INPP4B: variants seen among roughly 807,000 people sequenced by gnomAD.
The protein encoded by INPP4B is inositol polyphosphate-4-phosphatase type II B, also known as inositol polyphosphate 4-phosphatase type II.
In INPP4B, 55 loss-of-function variants were observed where a neutral mutation model predicts 122.5. The observed-to-expected ratio is 0.45, with a 90% CI of 0.36 to 0.56. INPP4B has a LOEUF of 0.56. Among genes scored for constraint, INPP4B ranks in the 20% least tolerant of loss-of-function variants. The pLI is 0.00. For missense variants in INPP4B, 1,000 were observed against 1,097.7 expected, an observed-to-expected ratio of 0.91 and a Z score of 1.26; for synonymous variants, 403 against 388.7, an observed-to-expected ratio of 1.04 and a Z score of -0.43.
At chr4:142,344,565 G>C (rs920814599) in intron 7 of INPP4B, among the ~76,000 whole-genome samples, 1 of 152,018 alleles carries the variant, frequency 6.6e-6, no homozygotes, top group African/African-American at 2.4e-5. Flanking sequence ...CCTTTTTCCA[G>C]CTGTACACTT....
intron 1 of INPP4B, chr4:142,795,277 G>A (rs1450722653): frequency 1.3e-5 from 2 of 151,890 alleles, no homozygotes; most frequent in African/African-American, 2.4e-5. Context: ...GAAAAAGCAA[G>A]GAAACTGTAG....
At chr4:142,685,230 C>T (rs981759140) in intron 2 of INPP4B, among the ~76,000 whole-genome samples, 1 of 151,938 alleles carries the variant, frequency 6.6e-6, no homozygotes, top group African/African-American at 2.4e-5. Context: ...CTATACTTGC[C>T]TGAGACAGGC....
At chr4:142,435,978 T>C (rs1211449662) in intron 3 of INPP4B, among the ~76,000 whole-genome samples, 9 of 152,132 alleles carry the variant, frequency 5.9e-5, no homozygotes, top group African/African-American at 9.7e-5. Flanking sequence ...GGAGCCAACA[T>C]TGCAGCTGCT....
intron 2 of INPP4B, among the ~76,000 whole-genome samples, chr4:142,550,358 G>A (rs1470843758): frequency 1.3e-5 from 2 of 151,932 alleles, no homozygotes; most frequent in Non-Finnish European, 2.9e-5. Context: ...CATGCTGTGT[G>A]GTACATAATT....
At chr4:142,163,324 G>A (rs781160026) in intron 16 of INPP4B, among the ~76,000 whole-genome samples, 2 of 151,834 alleles carry the variant, frequency 1.3e-5, no homozygotes, top group Admixed American at 6.6e-5. Context: ...GATATAAATC[G>A]CCCAGTGTAT....
At chr4:142,100,197 C>T (rs1051907446) in intron 23 of INPP4B, among the ~76,000 whole-genome samples, 1 of 152,120 alleles carries the variant, frequency 6.6e-6, no homozygotes, top group African/African-American at 2.4e-5. Flanking sequence ...CTAACTTACA[C>T]TTAACTCTGG....
In INPP4B at chr4:142,543,130, G is replaced by T. The variant is rs558919784; in HGVS notation, c.-190-80404C>A. ...ATGTGCACAATTTAGAATGCACCTT[G>T]TTTACACATACAAATTAAAGCACAA... On this transcript the variant is annotated intron_variant, in intron 2 of 25. Coordinates refer to ENST00000262992, the MANE Select transcript of INPP4B (RefSeq NM_001101669.3). 2.5e-3 allele frequency among the ~76,000 whole-genome samples: 376 copies of T among 152,218 alleles called. 1 individual carries two copies. Among genetic ancestry groups the T allele is most frequent in the African/African-American group, 8.5e-3 (353 of 41,568 alleles).
At chr4:142,045,292 C>CA (rs1324118539) in intron 25 of INPP4B, among the ~76,000 whole-genome samples, 2 of 152,114 alleles carry the variant, frequency 1.3e-5, no homozygotes, top group Non-Finnish European at 1.5e-5. Flanking sequence ...TAATTAGGAA[C>CA]ATTTTATTAA....
At chr4:142,194,927 C>T (rs1439933979) in intron 14 of INPP4B, among the ~76,000 whole-genome samples, 1 of 152,138 alleles carries the variant, frequency 6.6e-6, no homozygotes, top group African/African-American at 2.4e-5. Flanking sequence ...TAAAAATAAA[C>T]TTTTGAGTCT....
At chr4:142,707,912 T>C (rs548585179) in intron 2 of INPP4B, among the ~76,000 whole-genome samples, 4 of 152,322 alleles carry the variant, frequency 2.6e-5, no homozygotes, top group East Asian at 1.9e-4. Context: ...TGGAACTCCC[T>C]AGAGACTTGT....
intron 2 of INPP4B, among the ~76,000 whole-genome samples, chr4:142,567,104 ATTAAT>A (rs1325125447): frequency 6.6e-6 from 1 of 152,186 alleles, no homozygotes; most frequent in Non-Finnish European, 1.5e-5. Flanking sequence ...CATTGGTATA[ATTAAT>A]TTAATTTTCA....
chr4:142,399,430 C>A (rs1470103058), intron 7 of INPP4B, among the ~76,000 whole-genome samples: 3 of 152,008 alleles, frequency 2.0e-5, no homozygotes, highest in African/African-American at 7.2e-5. Context: ...CTCTTGACCT[C>A]ATGATCCACC....
intron 1 of INPP4B, among the ~76,000 whole-genome samples, chr4:142,838,749 TATC>T (rs767515369): frequency 6.6e-5 from 10 of 152,250 alleles, no homozygotes; most frequent in Admixed American, 3.9e-4. Flanking sequence ...ACATAGTGGT[TATC>T]ATCAAGTTTT....
Position 142,631,665 on chromosome 4 carries a change from G to T in INPP4B, c.-191+94174C>A, listed in dbSNP as rs532614851. On this transcript the variant is annotated intron_variant, in intron 2 of 25. Transcript: ENST00000262992. ...CATGGTAAGCCTACAGAAAATTAAA[G>T]ATGAAGAAAATATCTTAAGAGGTAG... Among the ~76,000 whole-genome samples, 5 of 152,160 alleles carry T rather than the reference G, an allele frequency of 3.3e-5. No homozygotes were observed. In the East Asian group the frequency reaches 9.7e-4, roughly 29 times the overall value.
At chr4:142,470,905 A>G (rs559345316) in intron 2 of INPP4B, among the ~76,000 whole-genome samples, 2 of 152,346 alleles carry the variant, frequency 1.3e-5, no homozygotes, top group African/African-American at 2.4e-5. Flanking sequence ...ATATTCAACA[A>G]TAGAGGAATC....
intron 9 of INPP4B, among the ~76,000 whole-genome samples, chr4:142,288,784 C>A (rs1755032601): frequency 6.6e-6 from 1 of 152,084 alleles, no homozygotes; most frequent in South Asian, 2.1e-4. Context: ...TTATTTTTCT[C>A]ATCTGTATAA....
At chr4:142,615,866 C>T (rs1423066478) in intron 2 of INPP4B, among the ~76,000 whole-genome samples, 1 of 151,792 alleles carries the variant, frequency 6.6e-6, no homozygotes, top group East Asian at 1.9e-4. Flanking sequence ...TCTCTGCCCA[C>T]TGAAGGTTCA....
chr4:142,444,749 G>A (rs1217963764), intron 3 of INPP4B, among the ~76,000 whole-genome samples: 2 of 152,002 alleles, frequency 1.3e-5, no homozygotes, highest in Non-Finnish European at 2.9e-5. Flanking sequence ...CAAAGACTTG[G>A]ATCCAACCCA....
intron 1 of INPP4B, among the ~76,000 whole-genome samples, chr4:142,796,869 TG>T (rs1481951733): frequency 2.5e-4 from 4 of 15,720 alleles, no homozygotes; most frequent in Admixed American, 1.7e-3. Flanking sequence ...GGAAAACAGA[TG>T]TGTGTGTGTG....
Sources: allele counts gnomAD v4.1 joint callset (sites outside exome capture counted in the v4.1 genomes callset), GRCh38; gene constraint gnomAD v4.1.1; transcripts MANE v1.5; gene names NCBI Gene and HGNC (gene_info 2026-07-23, HGNC 2026-07-21).